CRMP1: variants seen among roughly 807,000 people sequenced by gnomAD.
The protein encoded by CRMP1 is dihydropyrimidinase-related protein 1.
Under a neutral mutation model 68.3 loss-of-function variants are expected in CRMP1, and 19 were observed. That is an observed-to-expected ratio of 0.28 (90% confidence interval 0.19 to 0.41). The LOEUF is 0.41. Ranked by LOEUF, CRMP1 falls within the 10% of genes least tolerant of loss-of-function variation. CRMP1 has a pLI of 1.00. For synonymous variants in CRMP1, 439 were observed against 399.6 expected, an observed-to-expected ratio of 1.10 and a Z score of -1.18; for missense variants, 791 against 967.4, an observed-to-expected ratio of 0.82 and a Z score of 2.42.
At chr4:5,840,710 A>C (rs985133580) in intron 8 of CRMP1, among the ~76,000 whole-genome samples, 5 of 152,164 alleles carry the variant, frequency 3.3e-5, no homozygotes, top group African/African-American at 1.2e-4. Context: ...TAGCTCCAGA[A>C]CCTGCCTGCT....
In CRMP1 at chr4:5,884,482, G is replaced by GCACACACACACACACA. The variant is rs59746322; in HGVS notation, c.381+8106_381+8107insTGTGTGTGTGTGTGTG. Reference sequence around the variant, plus strand: ...GGCACTCACACACACAACTATGCATGCACACACACACACGGGCAGTGGTTT... The same window carrying GCACACACACACACACA: ...GGCACTCACACACACAACTATGCATGCACACACACACACACACACACACACACACGGGCAGTGGTTT... On this transcript the variant is annotated intron_variant, in intron 1 of 13. Coordinates refer to ENST00000324989, the MANE Select transcript of CRMP1 (RefSeq NM_001014809.3). Among the ~76,000 whole-genome samples the GCACACACACACACACA allele has an allele frequency of 7.1e-4, 106 of 150,196 alleles. 1 individual carries two copies. Among genetic ancestry groups the GCACACACACACACACA allele is most frequent in the African/African-American group, 2.4e-3 (98 of 40,932 alleles).
chr4:5,824,184 TG>T, intron 13 of CRMP1: 1 of 411,712 alleles, frequency 2.4e-6, no homozygotes, highest in Non-Finnish European at 3.3e-6. Context: ...TCCAGAACAG[TG>T]GTCCAGTTTG....
chr4:5,885,700 G>A (rs189840903), intron 1 of CRMP1, among the ~76,000 whole-genome samples: 21 of 152,238 alleles, frequency 1.4e-4, no homozygotes, highest in South Asian at 6.2e-4. Flanking sequence ...CCGCCCCGCC[G>A]TATGATACCC....
chr4:5,822,809 A>G (rs1718874633), intron 13 of CRMP1, among the ~76,000 whole-genome samples: 2 of 152,194 alleles, frequency 1.3e-5, no homozygotes, highest in South Asian at 2.1e-4. Flanking sequence ...TCAACTTATC[A>G]CCAGATCCTC....
chr4:5,889,975 G>A lies in CRMP1; in HGVS notation c.381+2614C>T. The A allele has an allele frequency of 4.1e-6, 5 of 1,230,442 alleles. No homozygotes were observed. Among genetic ancestry groups the A allele is most frequent in the Non-Finnish European group, 3.1e-6 (3 of 965,550 alleles). 76.2% of individuals were successfully genotyped at this position (1,230,442 alleles called of 1,614,324 possible). On this transcript the variant is annotated intron_variant, in intron 1 of 13. Coordinates refer to ENST00000324989, the MANE Select transcript of CRMP1 (RefSeq NM_001014809.3). This position sits in a 1 kb window ranked among gnomAD's most constrained non-coding sequence, Gnocchi z 4.5. ...AGAGGTAAAATGATGTACCCCGGGTGCAAAACATATTAGCTGCAGCAAAGC... is the reference window on the plus strand; with the variant it reads ...AGAGGTAAAATGATGTACCCCGGGTACAAAACATATTAGCTGCAGCAAAGC...
chr4:5,882,971 A>G (rs1031720292), intron 1 of CRMP1, among the ~76,000 whole-genome samples: 2 of 152,140 alleles, frequency 1.3e-5, no homozygotes, highest in African/African-American at 4.8e-5. Context: ...ATTCTCCCTG[A>G]TTTCCAAAGC....
At chr4:5,864,606 G>A (rs1446620174) in intron 2 of CRMP1, among the ~76,000 whole-genome samples, 2 of 152,174 alleles carry the variant, frequency 1.3e-5, no homozygotes, top group African/African-American at 2.4e-5. Context: ...TGGTCAAGGA[G>A]CGATGCAGTG....
chr4:5,841,252 G>A lies in CRMP1; in HGVS notation c.1153+56C>T. On this transcript the variant is annotated intron_variant, in intron 8 of 13. Transcript: ENST00000324989. This position sits in a 1 kb window ranked among gnomAD's most constrained non-coding sequence, Gnocchi z 6.9. ...GGGAGGGAGTGAACTTGAACCTGCA[G>A]GACACCCCCTTCCAGGCCCCAGCTG... 1 of 1,613,138 alleles carries A rather than the reference G, an allele frequency of 6.2e-7. No individual in the cohort carries two copies. Among genetic ancestry groups the A allele is most frequent in the Non-Finnish European group, 8.5e-7 (1 of 1,179,714 alleles).
intron 13 of CRMP1, among the ~76,000 whole-genome samples, chr4:5,822,280 C>A (rs773933319): frequency 6.6e-6 from 1 of 152,146 alleles, no homozygotes; most frequent in Admixed American, 6.6e-5. Context: ...ACGTGTCTTG[C>A]GGGACACAGG....
rs1423053107 is a variant in CRMP1, at chr4:5,842,338, A to T, written c.1032+755T>A. ...TAGCTACTTGGGAGGCTGAGGCAGGAGAGTCACTTGAACCCAGGAAGCGGA... is the reference window on the plus strand; with the variant it reads ...TAGCTACTTGGGAGGCTGAGGCAGGTGAGTCACTTGAACCCAGGAAGCGGA... On this transcript the variant is annotated intron_variant, in intron 7 of 13. Transcript: ENST00000324989. The surrounding 1 kb of genome is among the most constrained non-coding windows in gnomAD (Gnocchi z 4.5). Among the ~76,000 whole-genome samples, 5 of 150,528 alleles carry T rather than the reference A, an allele frequency of 3.3e-5. No individual in the cohort carries two copies. The highest frequency in any genetic ancestry group is 7.4e-5 in the Non-Finnish European group (5 of 67,686).
chr4:5,884,884 G>A (rs773661382), intron 1 of CRMP1, among the ~76,000 whole-genome samples: 3 of 151,616 alleles, frequency 2.0e-5, no homozygotes, highest in Non-Finnish European at 2.9e-5. Flanking sequence ...AGGAAGCCAT[G>A]TGCCTTTGTT....
rs1212030193 is a variant in CRMP1 at position 5,854,709 on chromosome 4, A to G, written c.820+1434T>C. Among the ~76,000 whole-genome samples, 1 of 152,154 alleles carries G rather than the reference A, an allele frequency of 6.6e-6. No homozygotes were observed. Among genetic ancestry groups the G allele is most frequent in the Non-Finnish European group, 1.5e-5 (1 of 68,024 alleles). The stretch of plus-strand genomic sequence containing the variant: ...ACCACAATGGTGGTGTCTTTCACCC[A>G]TCGAATCGGCAAGGATTTCATAGAA... On this transcript the variant is annotated intron_variant, in intron 4 of 13. Transcript: ENST00000324989. The surrounding 1 kb of genome is among the most constrained non-coding windows in gnomAD (Gnocchi z 4.0).
intron 1 of CRMP1, among the ~76,000 whole-genome samples, chr4:5,874,536 G>A (rs1056137339): frequency 6.6e-6 from 1 of 152,102 alleles, no homozygotes; most frequent in Non-Finnish European, 1.5e-5. Flanking sequence ...GGGGAGTTCT[G>A]CGTATTTCAT....
rs1715998887 is a variant in CRMP1, at chr4:5,892,538, T to G, written c.381+51A>C. The G allele has an allele frequency of 8.6e-7, 1 of 1,160,792 alleles. No individual in the cohort carries two copies. Among genetic ancestry groups the G allele is most frequent in the Non-Finnish European group, 1.1e-6 (1 of 942,496 alleles). The allele number at this position is 1,160,792 out of a possible 1,614,324, so 71.9% of individuals were successfully genotyped here. A position where few individuals can be genotyped will look rare whatever the true frequency, so the allele number is the denominator to read the frequency against. ...GCCCTCGGGCGCCCCATGCCCTGGGTCCTCCCGGGGCCCGCCCCCCTCGTC... is the reference window on the plus strand; with the variant it reads ...GCCCTCGGGCGCCCCATGCCCTGGGGCCTCCCGGGGCCCGCCCCCCTCGTC... On this transcript the variant is annotated intron_variant, in intron 1 of 13. Transcript: ENST00000324989. The surrounding 1 kb of genome is among the most constrained non-coding windows in gnomAD (Gnocchi z 8.6).
intron 13 of CRMP1, chr4:5,824,739 A>T: frequency 1.0e-6 from 1 of 985,346 alleles, no homozygotes; most frequent in Non-Finnish European, 1.2e-6. Context: ...TAAGAAAAAA[A>T]ATCACCATAC....
rs1397993654 is a variant in CRMP1, at chr4:5,854,515, G to A, written c.820+1628C>T. ...CCTCCTCAGCCTCCCGAAGTGCTAGGATTACAGGCATGAGCCACCATGGCC... is the reference window on the plus strand; with the variant it reads ...CCTCCTCAGCCTCCCGAAGTGCTAGAATTACAGGCATGAGCCACCATGGCC... On this transcript the variant is annotated intron_variant, in intron 4 of 13. Transcript: ENST00000324989. This position sits in a 1 kb window ranked among gnomAD's most constrained non-coding sequence, Gnocchi z 4.0. Among the ~76,000 whole-genome samples, 3 of 150,722 alleles carry A rather than the reference G, an allele frequency of 2.0e-5. No homozygotes were observed. Among genetic ancestry groups the A allele is most frequent in the African/African-American group, 7.3e-5 (3 of 40,930 alleles).
At position 5,836,084 on chromosome 4, in the gene CRMP1, G is replaced by A; in HGVS notation, c.1454C>T (p.Ala485Val). 6.6e-7 allele frequency: 1 copy of A among 1,512,544 alleles called. No homozygotes were observed. The highest frequency in any genetic ancestry group is 8.8e-7 in the Non-Finnish European group (1 of 1,132,370). 93.7% of individuals were successfully genotyped at this position (1,512,544 alleles called of 1,614,324 possible). ...RMTVVWDKAV[A>V]TGKMDENQFV... ...CTGGTTCTCATCCATTTTGCCAGTA[G>A]CCTACAGGCAAGACCCACAGATGAG... Residue 485 changes from alanine (A) to valine (V), a missense_variant and splice_region_variant, in exon 11 of 14, where the codon GCT becomes GTT. Around this residue, in one of 3 missense-constraint regions of CRMP1, gnomAD observed 594 missense variants for 763.6 expected, o/e 0.78. Coordinates refer to ENST00000324989, the MANE Select transcript of CRMP1 (RefSeq NM_001014809.3).
chr4:5,834,174 G>A lies in CRMP1; in HGVS notation c.1623+1741C>T, dbSNP rs952899130. Among the ~76,000 whole-genome samples the A allele has an allele frequency of 2.6e-5, 4 of 152,356 alleles. No individual in the cohort carries two copies. The highest frequency in any genetic ancestry group is 2.1e-4 in the South Asian group (1 of 4,828). ...TTCTAGATAAGGATCACCTTGTGAA[G>A]CAAGGGGCAGCTCCCACAGCCAGAT... is the stretch of plus-strand genomic sequence containing the variant. On this transcript the variant is annotated intron_variant, in intron 11 of 13. Coordinates refer to ENST00000324989, the MANE Select transcript of CRMP1 (RefSeq NM_001014809.3). This position sits in a 1 kb window ranked among gnomAD's most constrained non-coding sequence, Gnocchi z 4.3.
intron 6 of CRMP1, among the ~76,000 whole-genome samples, chr4:5,847,613 A>C (rs1332665444): frequency 2.0e-5 from 3 of 152,210 alleles, no homozygotes; most frequent in African/African-American, 7.2e-5. Flanking sequence ...GTGCAGGAAA[A>C]CTACAAGGAC....
Sources: gnomAD v4.1 joint callset for allele counts (sites outside exome capture counted in the v4.1 genomes callset) on GRCh38, gnomAD v4.1.1 for gene constraint, gnomAD v4.1.1 regional missense constraint, Gnocchi (gnomAD v3.1) non-coding constraint, MANE v1.5 for transcripts, NCBI Gene and HGNC (gene_info 2026-07-23, HGNC 2026-07-21) for gene names.